The following GLCCI1 variants were observed in gnomAD, a reference collection of about 807,000 sequenced individuals.
GLCCI1 encodes glucocorticoid-induced transcript 1 protein.
In GLCCI1, 24 loss-of-function variants were observed where a neutral mutation model predicts 52.2. The observed-to-expected ratio is 0.46, with a 90% confidence interval of 0.33 to 0.65. The LOEUF is 0.65. Among genes scored for constraint, GLCCI1 ranks in the 30% least tolerant of loss-of-function variants. The probability of loss-of-function intolerance (pLI) is 0.02; values close to 1 mark genes in which losing one functional copy is unlikely to be tolerated. For missense variants in GLCCI1, 704 were observed against 701.5 expected (o/e 1.00, Z -0.04); for synonymous variants, 310 against 276.5 (o/e 1.12, Z -1.20).
chr7:8,015,644 T>A (rs1047530494), intron 2 of GLCCI1, among the ~76,000 whole-genome samples: 2 of 152,204 alleles, frequency 1.3e-5, no homozygotes, highest in African/African-American at 4.8e-5. Context: ...TGTTCCTGGT[T>A]TAGGGAGTAA....
intron 3 of GLCCI1, among the ~76,000 whole-genome samples, chr7:8,022,957 G>A (rs1781524654): frequency 6.6e-6 from 1 of 152,126 alleles, no homozygotes; most frequent in South Asian, 2.1e-4. Flanking sequence ...TTTTTAAGTT[G>A]TAGCAACCAG....
intron 6 of GLCCI1, among the ~76,000 whole-genome samples, chr7:8,080,893 C>T (rs60662673): frequency 0.14 from 19,754 of 143,134 alleles, 1,443 homozygotes; most frequent in Admixed American, 0.19. Context: ...CAGGTGGTCT[C>T]GAACTCCTGG....
Position 7,969,312 on chromosome 7 carries a change from C to T in GLCCI1, c.-39C>T, listed in dbSNP as rs765010150. ...CTCGCGCGCCTCCCGCCCCGCGCCT[C>T]CGTGTCGGCCGGCGGCGTCCAGGGC... On this transcript the variant is annotated 5_prime_UTR_variant, in exon 1 of 8. Coordinates refer to ENST00000223145, the MANE Select transcript of GLCCI1 (RefSeq NM_138426.4). The surrounding 1 kb of genome is among the most constrained non-coding windows in gnomAD (Gnocchi z 4.9). The T allele has an allele frequency of 4.3e-6, 6 of 1,397,498 alleles. No individual in the cohort carries two copies. Among genetic ancestry groups the T allele is most frequent in the Non-Finnish European group, 5.6e-6 (6 of 1,069,616 alleles). 86.6% of individuals were successfully genotyped at this position (1,397,498 alleles called of 1,614,324 possible).
intron 1 of GLCCI1, among the ~76,000 whole-genome samples, chr7:8,001,004 T>C (rs1030730868): frequency 2.0e-5 from 3 of 152,226 alleles, no homozygotes; most frequent in Non-Finnish European, 4.4e-5. Context: ...TTTGCCAGTC[T>C]GTGTCTTTTA....
At position 7,969,306 on chromosome 7, in the gene GLCCI1, G is replaced by T. The variant is rs1780283756; in HGVS notation, c.-45G>T. The T allele has an allele frequency of 8.1e-7, 1 of 1,233,656 alleles. No individual in the cohort carries two copies. The highest frequency in any genetic ancestry group is 5.6e-5 in the East Asian group (1 of 17,734). The allele number at this position is 1,233,656 out of a possible 1,614,324, so 76.4% of individuals were successfully genotyped here. On this transcript the variant is annotated 5_prime_UTR_variant, in exon 1 of 8. Transcript: ENST00000223145. The surrounding 1 kb of genome is among the most constrained non-coding windows in gnomAD (Gnocchi z 4.9). ...CACACGCTCGCGCGCCTCCCGCCCC[G>T]CGCCTCCGTGTCGGCCGGCGGCGTC...
At position 8,086,655 on chromosome 7, in the gene GLCCI1, A is replaced by G. The variant is rs1233835087; in HGVS notation, c.*117A>G. 2.5e-6 allele frequency: 2 copies of G among 816,082 alleles called. No individual in the cohort carries two copies. The highest frequency in any genetic ancestry group is 1.7e-5 in the South Asian group (1 of 57,554). 50.6% of individuals were successfully genotyped at this position (816,082 alleles called of 1,614,324 possible). A position where few individuals can be genotyped will look rare whatever the true frequency, so the allele number is the denominator to read the frequency against. Reference sequence around the variant, plus strand: ...ACCACCAATAATACTTATCAGCATCATAAAGTATCTCTTAAACACTGATCT... The same window carrying G: ...ACCACCAATAATACTTATCAGCATCGTAAAGTATCTCTTAAACACTGATCT... On this transcript the variant is annotated 3_prime_UTR_variant, in exon 8 of 8. Coordinates refer to ENST00000223145, the MANE Select transcript of GLCCI1 (RefSeq NM_138426.4). The surrounding 1 kb of genome is among the most constrained non-coding windows in gnomAD (Gnocchi z 4.4).
chr7:7,986,383 G>A (rs960189489), intron 1 of GLCCI1, among the ~76,000 whole-genome samples: 2 of 17,102 alleles, frequency 1.2e-4, no homozygotes, highest in East Asian at 9.0e-4. Context: ...GCAGGGGGAG[G>A]GGGGGGTGGC....
chr7:8,029,003 G>A (rs540132383), intron 3 of GLCCI1, among the ~76,000 whole-genome samples: 4 of 152,210 alleles, frequency 2.6e-5, no homozygotes, highest in South Asian at 2.1e-4. Flanking sequence ...TGGCTTCACC[G>A]CTGAATTCTA....
In GLCCI1 at chr7:7,975,046, A is replaced by G. The variant is rs148280589; in HGVS notation, c.457+5239A>G. 2.6e-4 allele frequency among the ~76,000 whole-genome samples: 39 copies of G among 152,278 alleles called. 1 individual carries two copies. Among genetic ancestry groups the G allele is most frequent in the African/African-American group, 5.8e-4 (24 of 41,560 alleles). The stretch of plus-strand genomic sequence containing the variant: ...AGGGAACACAAGTACTCATATATTG[A>G]TATAGAAAGCCTAGGGAACTGATGG... On this transcript the variant is annotated intron_variant, in intron 1 of 7. Coordinates refer to ENST00000223145, the MANE Select transcript of GLCCI1 (RefSeq NM_138426.4).
intron 1 of GLCCI1, chr7:7,980,641 G>T (rs145376303): frequency 3.7e-6 from 3 of 812,540 alleles, no homozygotes; most frequent in Middle Eastern, 2.3e-4. Flanking sequence ...GACAGAAAAC[G>T]TCCCAAGAAT....
chr7:8,039,514 A>G (rs1781949137), intron 3 of GLCCI1, among the ~76,000 whole-genome samples: 1 of 152,220 alleles, frequency 6.6e-6, no homozygotes, highest in Non-Finnish European at 1.5e-5. Flanking sequence ...GGAGGGCATT[A>G]TCTTAAATGA....
intron 3 of GLCCI1, among the ~76,000 whole-genome samples, chr7:8,044,405 T>C (rs1280594167): frequency 6.6e-6 from 1 of 150,424 alleles, no homozygotes; most frequent in Non-Finnish European, 1.5e-5. Flanking sequence ...GGTCTTGCCC[T>C]GTCACCAGGC....
chr7:8,011,758 A>G (rs938216377), intron 2 of GLCCI1, among the ~76,000 whole-genome samples: 1 of 152,060 alleles, frequency 6.6e-6, no homozygotes, highest in Non-Finnish European at 1.5e-5. Context: ...TTATACTCAC[A>G]TTAGCAACGC....
chr7:8,050,406 G>T (rs2127957473), intron 3 of GLCCI1, among the ~76,000 whole-genome samples: 1 of 152,176 alleles, frequency 6.6e-6, no homozygotes, highest in South Asian at 2.1e-4. Context: ...GATTTTTGTT[G>T]AGGGATATAA....
intron 5 of GLCCI1, among the ~76,000 whole-genome samples, chr7:8,067,198 A>G (rs983032461): frequency 3.9e-5 from 6 of 151,940 alleles, no homozygotes; most frequent in African/African-American, 9.7e-5. Context: ...TAGAATAGCA[A>G]TCTTGCTTTT....
chr7:8,034,151 G>T (rs1781815759), intron 3 of GLCCI1, among the ~76,000 whole-genome samples: 1 of 151,986 alleles, frequency 6.6e-6, no homozygotes, highest in Admixed American at 6.6e-5. Flanking sequence ...CAATTTAATT[G>T]AAAAAGACAG....
chr7:7,981,214 G>T, intron 1 of GLCCI1: 2 of 298,352 alleles, frequency 6.7e-6, no homozygotes, highest in South Asian at 3.1e-5. Context: ...ATCTGGGACT[G>T]GAAGACAGGA....
intron 3 of GLCCI1, among the ~76,000 whole-genome samples, chr7:8,052,980 T>C (rs980520662): frequency 4.6e-5 from 7 of 151,628 alleles, no homozygotes; most frequent in East Asian, 1.9e-4. Flanking sequence ...AACCAGTCTT[T>C]TGAGGATAAG....
chr7:7,985,514 C>A (rs1452703209), intron 1 of GLCCI1, among the ~76,000 whole-genome samples: 4 of 147,110 alleles, frequency 2.7e-5, no homozygotes, highest in Non-Finnish European at 4.5e-5. Context: ...CCTGCACGTC[C>A]TGCACATCTA....
Sources: allele counts gnomAD v4.1 joint callset (sites outside exome capture counted in the v4.1 genomes callset), GRCh38; gene constraint gnomAD v4.1.1; non-coding constraint Gnocchi (gnomAD v3.1); transcripts MANE v1.5; gene names NCBI Gene and HGNC (gene_info 2026-07-23, HGNC 2026-07-21).